Variants in GPATCH8 observed in about 807,000 individuals in gnomAD.
The protein encoded by GPATCH8 is G patch domain-containing protein 8.
GPATCH8 carries 18 observed loss-of-function variants against 118.3 expected under a neutral mutation model. The ratio of observed to expected loss-of-function variants is 0.15; its 90% CI spans 0.11 to 0.23. The LOEUF (loss-of-function observed/expected upper bound fraction) is 0.23. Ranked by LOEUF, GPATCH8 falls within the 10% of genes least tolerant of loss-of-function variation. GPATCH8 has a pLI of 1.00. For missense variants in GPATCH8, 1,631 were observed against 1,873.8 expected (o/e 0.87, Z 2.39); for synonymous variants, 659 against 684.7 (o/e 0.96, Z 0.59).
At chr17:44,439,294 TG>T in intron 3 of GPATCH8, among the ~76,000 whole-genome samples, 1 of 152,300 alleles carries the variant, frequency 6.6e-6, no homozygotes, top group Non-Finnish European at 1.5e-5. Flanking sequence ...ACTCTTTAAG[TG>T]GCTCTCCTCA....
chr17:44,498,776 A>G (rs1568079386), intron 1 of GPATCH8, among the ~76,000 whole-genome samples: 1 of 152,228 alleles, frequency 6.6e-6, no homozygotes, highest in Non-Finnish European at 1.5e-5. Context: ...AGCGAGACAT[A>G]GGAAAAACGA....
chr17:44,485,035 G>C (rs1014224837), intron 1 of GPATCH8, among the ~76,000 whole-genome samples: 1 of 151,496 alleles, frequency 6.6e-6, no homozygotes, highest in Admixed American at 6.6e-5. Context: ...GAATGGTCTC[G>C]AACTCCTGAG....
Position 44,401,213 on chromosome 17 carries a change from C to A in GPATCH8, c.864G>T (p.Lys288Asn), listed in dbSNP as rs749552610. Residue 288 changes from lysine (K) to asparagine (N), a missense_variant, in exon 8 of 8, where the codon AAG (lysine) becomes AAT (asparagine). Transcript: ENST00000591680. ...TTTGCAATGGGGTCCCCAGATTATT[C>A]TTAATGCCAAAGCTGATGCCTTGGG... ...LASQGISFGI[K>N]NNLGTPLQKL... 1.2e-6 allele frequency: 2 copies of A among 1,614,012 alleles called. No individual in the cohort carries two copies. Among genetic ancestry groups the A allele is most frequent in the Non-Finnish European group, 8.5e-7 (1 of 1,179,994 alleles).
At chr17:44,421,771 G>A (rs1328492232) in intron 6 of GPATCH8, among the ~76,000 whole-genome samples, 2 of 150,944 alleles carry the variant, frequency 1.3e-5, no homozygotes, top group African/African-American at 4.9e-5. Context: ...CTGTCACCCA[G>A]GCTGAAGTAC....
At position 44,399,474 on chromosome 17, in the gene GPATCH8, C is replaced by T. The variant is rs767645321; in HGVS notation, c.2603G>A (p.Arg868His). 1.1e-4 allele frequency: 185 copies of T among 1,614,060 alleles called. 3 individuals carry two copies. In the South Asian group the frequency reaches 1.5e-3, roughly 13 times the overall value. The change falls in exon 8 of 8, where the codon CGT becomes CAT. Residue 868 changes from arginine (R) to histidine (H), a missense_variant. Arg to His is a conservative substitution (Grantham distance 29). This residue lies in a region of GPATCH8 where 922 missense variants were observed against 879.7 expected (regional missense o/e 1.05). Transcript: ENST00000591680. ...RRHSSHRSSR[R>H]SYSSSSDASS... ...GGCATCTGAGCTACTTGAGTAAGAA[C>T]GCCGGGAGGAACGATGCGAGGAATG...
rs371965837 is a variant in GPATCH8, at chr17:44,399,502, G to C, written c.2575C>G (p.Arg859Gly). The change falls in exon 8 of 8, where the codon CGC (arginine) becomes GGC (glycine). Residue 859 changes from arginine (R) to glycine (G), a missense_variant. Physicochemically the swap from Arg to Gly is moderately radical, Grantham distance 125. Transcript: ENST00000591680. ...HSRSRSRSGR[R>G]HSSHRSSRRS... Reference sequence around the variant, plus strand: ...CGGGAGGAACGATGCGAGGAATGGCGCCGGCCAGACCTTGAGCGGCTGCGG... The same window carrying C: ...CGGGAGGAACGATGCGAGGAATGGCCCCGGCCAGACCTTGAGCGGCTGCGG... 1.2e-6 allele frequency: 2 copies of C among 1,614,066 alleles called. No homozygotes were observed. The highest frequency in any genetic ancestry group is 1.7e-6 in the Non-Finnish European group (2 of 1,180,040).
chr17:44,402,681 T>C (rs775852108), intron 7 of GPATCH8, among the ~76,000 whole-genome samples: 3 of 152,216 alleles, frequency 2.0e-5, no homozygotes, highest in Non-Finnish European at 2.9e-5. Context: ...AATTTGCATA[T>C]TCTGAGTTAA....
chr17:44,406,375 A>G (rs2049221560), intron 6 of GPATCH8, among the ~76,000 whole-genome samples: 1 of 151,964 alleles, frequency 6.6e-6, no homozygotes, highest in Non-Finnish European at 1.5e-5. Context: ...AGGATGCAAA[A>G]CTAGACAAAC....
rs140143988 is a variant in GPATCH8, at chr17:44,470,813, T to C, written c.120+4016A>G. ...GTGAGCCCCTGCGCCCAATTCCTCA[T>C]CTTCTAACTATGATAAAGGTCATAA... On this transcript the variant is annotated intron_variant, in intron 2 of 7. Coordinates refer to ENST00000591680, the MANE Select transcript of GPATCH8 (RefSeq NM_001002909.4). Among the ~76,000 whole-genome samples, 454 of 152,324 alleles carry C rather than the reference T, an allele frequency of 3.0e-3. 3 individuals carry two copies. The highest frequency in any genetic ancestry group is 0.011 in the African/African-American group (442 of 41,572).
intron 2 of GPATCH8, among the ~76,000 whole-genome samples, chr17:44,470,108 A>T (rs1967154526): frequency 6.6e-6 from 1 of 152,254 alleles, no homozygotes; most frequent in African/African-American, 2.4e-5. Context: ...CTAGCGGCTG[A>T]TGGGTAGTTG....
At chr17:44,434,991 T>C (rs1173770137) in intron 5 of GPATCH8, 74 bp downstream of exon 5, 3 of 785,500 alleles carry the variant, frequency 3.8e-6, no homozygotes, top group East Asian at 4.9e-5. Flanking sequence ...AGTGATGATT[T>C]TCAACAAAAT....
At chr17:44,433,766 A>G (rs1426543061) in intron 5 of GPATCH8, among the ~76,000 whole-genome samples, 1 of 152,254 alleles carries the variant, frequency 6.6e-6, no homozygotes, top group East Asian at 1.9e-4. Flanking sequence ...TCTACATAGA[A>G]GCAGCAAGAC....
chr17:44,410,619 T>G (rs2049394818), intron 6 of GPATCH8, among the ~76,000 whole-genome samples: 1 of 152,216 alleles, frequency 6.6e-6, no homozygotes. Context: ...ATAGCACATT[T>G]TTAGTTGGGA....
intron 3 of GPATCH8, among the ~76,000 whole-genome samples, chr17:44,446,808 A>G (rs1164301560): frequency 6.6e-6 from 1 of 151,850 alleles, no homozygotes; most frequent in Non-Finnish European, 1.5e-5. Flanking sequence ...GCCTCATTTA[A>G]CTTTCCACTG....
intron 3 of GPATCH8, among the ~76,000 whole-genome samples, chr17:44,453,528 T>TGTGTGCGCGC (rs1482667373): frequency 4.6e-5 from 7 of 150,584 alleles, no homozygotes; most frequent in African/African-American, 1.7e-4. Flanking sequence ...TGTGTGTGTG[T>TGTGTGCGCGC]GTGCAGGCGC....
At chr17:44,424,879 C>T (rs1470122700) in intron 5 of GPATCH8, among the ~76,000 whole-genome samples, 2 of 152,194 alleles carry the variant, frequency 1.3e-5, no homozygotes, top group African/African-American at 4.8e-5. Flanking sequence ...GAGTCTGTAG[C>T]CAATGATGGA....
chr17:44,497,834 G>C (rs941774517), intron 1 of GPATCH8, among the ~76,000 whole-genome samples: 2 of 151,896 alleles, frequency 1.3e-5, no homozygotes, highest in Admixed American at 6.6e-5. Flanking sequence ...CAGCTACTTG[G>C]GAGGCTGAAG....
chr17:44,427,965 C>CT (rs1294279279), intron 5 of GPATCH8, among the ~76,000 whole-genome samples: 1 of 152,132 alleles, frequency 6.6e-6, no homozygotes, highest in Non-Finnish European at 1.5e-5. Context: ...TTATTTCCCA[C>CT]TTTGAGACCA....
chr17:44,474,906 GA>G lies in GPATCH8; in HGVS notation c.46-4del. ...TCATACTGATCAAAGTGATTACCCTGAAAAAAGATGATTACAGTTATTTTTC... is the reference window on the plus strand; with the variant it reads ...TCATACTGATCAAAGTGATTACCCTGAAAAAGATGATTACAGTTATTTTTC... On this transcript the variant is annotated splice_region_variant and splice_polypyrimidine_tract_variant and intron_variant, in intron 1 of 7. Coordinates refer to ENST00000591680, the MANE Select transcript of GPATCH8 (RefSeq NM_001002909.4). 8.3e-6 allele frequency: 12 copies of G among 1,445,906 alleles called. No homozygotes were observed. The highest frequency in any genetic ancestry group is 2.3e-5 in the East Asian group (1 of 44,030). 89.6% of individuals were successfully genotyped at this position (1,445,906 alleles called of 1,614,324 possible).
Sources: gnomAD v4.1 joint callset for allele counts (sites outside exome capture counted in the v4.1 genomes callset) on GRCh38, gnomAD v4.1.1 for gene constraint, gnomAD v4.1.1 regional missense constraint, MANE v1.5 for transcripts, NCBI Gene and HGNC (gene_info 2026-07-23, HGNC 2026-07-21) for gene names.